CYP19A1: variants seen among roughly 807,000 people sequenced by gnomAD.
CYP19A1 encodes the protein cytochrome P450 family 19 subfamily A member 1, also known as aromatase.
In CYP19A1, 32 loss-of-function variants were observed where a neutral mutation model predicts 44.4. The observed-to-expected ratio is 0.72, with a 90% CI of 0.54 to 0.97. The LOEUF is 0.97. Ranked by LOEUF, CYP19A1 falls within the 50% of genes least tolerant of loss-of-function variation. The pLI is 0.00. For missense variants in CYP19A1, 598 were observed against 637.8 expected (o/e 0.94, Z 0.67); for synonymous variants, 212 against 215.6 (o/e 0.98, Z 0.14).
chr15:51,320,266 A>T (rs2036504309), intron 1 of CYP19A1: 1 of 152,346 alleles, frequency 6.6e-6, no homozygotes, highest in South Asian at 2.1e-4. Flanking sequence ...AGAGCCACAC[A>T]CTGGGAAGAG....
rs143562020 is a variant in CYP19A1 at position 51,218,563 on chromosome 15, A to T, written c.721T>A (p.Tyr241Asn). ...PDIFFKISWL[Y>N]KKYEKSVKDL... ...TACACAGACTTCTCATACTTTTTGT[A>T]TAGCCAAGAAATCTTAAAGAAGATG... The change falls in exon 6 of 10, where the codon TAC becomes AAC. Residue 241 changes from tyrosine (Y) to asparagine (N), a missense_variant. Physicochemically the swap from Tyr to Asn is moderately radical, Grantham distance 143 (BLOSUM62 -2). Coordinates refer to ENST00000396402, the MANE Select transcript of CYP19A1 (RefSeq NM_000103.4). 391 of 1,613,600 alleles carry T rather than the reference A, an allele frequency of 2.4e-4. 2 individuals carry two copies. In the Middle Eastern group the frequency reaches 5.9e-3, roughly 25 times the overall value.
intron 5 of CYP19A1, among the ~76,000 whole-genome samples, chr15:51,220,973 A>G (rs1280794037): frequency 7.2e-6 from 1 of 139,188 alleles, no homozygotes; most frequent in Non-Finnish European, 1.6e-5. Flanking sequence ...TTGCATGCAC[A>G]TGTTTTTTTT....
In CYP19A1 at chr15:51,210,506, G is replaced by A. The variant is rs2030828807; in HGVS notation, c.*302C>T. ...ACCAGACATACATTTTGTTAATGAA[G>A]GCCTATCCTTCTCAAAGCACATTTG... is the stretch of plus-strand genomic sequence containing the variant. On this transcript the variant is annotated 3_prime_UTR_variant, in exon 10 of 10. Coordinates refer to ENST00000396402, the MANE Select transcript of CYP19A1 (RefSeq NM_000103.4). 1.8e-6 allele frequency: 1 copy of A among 561,484 alleles called. No individual in the cohort carries two copies. The highest frequency in any genetic ancestry group is 1.8e-5 in the African/African-American group (1 of 54,664). The allele number at this position is 561,484 out of a possible 1,614,324, so 34.8% of individuals were successfully genotyped here.
chr15:51,254,820 T>A (rs1469724359), intron 1 of CYP19A1, among the ~76,000 whole-genome samples: 2 of 152,244 alleles, frequency 1.3e-5, no homozygotes, highest in Admixed American at 6.5e-5. Flanking sequence ...ATGTTTTGAA[T>A]GATCAGTAAG....
At chr15:51,298,076 A>T (rs570645221) in intron 1 of CYP19A1, among the ~76,000 whole-genome samples, 3 of 152,240 alleles carry the variant, frequency 2.0e-5, no homozygotes, top group East Asian at 3.9e-4. Context: ...CTGCCCCTGG[A>T]TATTGAATTA....
intron 1 of CYP19A1, among the ~76,000 whole-genome samples, chr15:51,332,428 T>C (rs2141031564): frequency 6.6e-6 from 1 of 152,338 alleles, no homozygotes; most frequent in East Asian, 1.9e-4. Context: ...TGTTCCAGGC[T>C]ATTGTTAACA....
intron 3 of CYP19A1, among the ~76,000 whole-genome samples, chr15:51,236,542 T>A (rs2033404118): frequency 1.3e-5 from 2 of 152,228 alleles, no homozygotes; most frequent in Admixed American, 1.3e-4. Context: ...GCAGAAAAGA[T>A]AACACCTCTC....
At chr15:51,222,286 C>T (rs2032158357) in intron 5 of CYP19A1, 63 bp downstream of exon 5, 3 of 1,612,736 alleles carry the variant, frequency 1.9e-6, no homozygotes, top group Non-Finnish European at 2.5e-6. Flanking sequence ...GTCTGTTATC[C>T]CTCCTAGCTC....
chr15:51,268,145 A>G (rs1240203675), intron 1 of CYP19A1, among the ~76,000 whole-genome samples: 2 of 152,182 alleles, frequency 1.3e-5, no homozygotes, highest in African/African-American at 2.4e-5. Context: ...ATAAACCTCA[A>G]ATATTTAAAG....
Position 51,212,408 on chromosome 15 carries a change from G to T in CYP19A1, c.1175C>A (p.Thr392Lys), listed in dbSNP as rs753836253. ...VIDGYPVKKG[T>K]NIILNIGRMH... ...CCTTCCAATATTCAGGATAATGTTT[G>T]TCCCCTTTTTCACTGGGTAGCCATC... The change falls in exon 9 of 10, where the codon ACA (threonine) becomes AAA (lysine). Residue 392 changes from threonine to lysine, a missense_variant. By Grantham distance (78) the Thr-to-Lys change is moderately conservative. Transcript: ENST00000396402. 1.9e-6 allele frequency: 3 copies of T among 1,598,388 alleles called. No individual in the cohort carries two copies. The South Asian group carries it at 3.3e-5, about 18-fold the overall frequency.
chr15:51,230,869 A>G lies in CYP19A1; in HGVS notation c.297-2936T>C, dbSNP rs575314833. 7.9e-5 allele frequency among the ~76,000 whole-genome samples: 12 copies of G among 152,058 alleles called. No homozygotes were observed. In the South Asian group the frequency reaches 1.7e-3, roughly 21 times the overall value. On this transcript the variant is annotated intron_variant, in intron 3 of 9. Transcript: ENST00000396402. The stretch of plus-strand genomic sequence containing the variant: ...ACTCTTGACTTCAAGTAATACACCC[A>G]CTTTCACCTCCCAAAGTGCTGGCAT...
At chr15:51,244,595 T>A (rs1300077700) in intron 1 of CYP19A1, among the ~76,000 whole-genome samples, 1 of 152,222 alleles carries the variant, frequency 6.6e-6, no homozygotes. Flanking sequence ...GAATTTGACA[T>A]CATTCTGAGT....
Position 51,218,751 on chromosome 15 carries a change from T to A in CYP19A1, c.629-96A>T. The stretch of plus-strand genomic sequence containing the variant: ...CTGAGCAGAAAACATTCCCTGCAGA[T>A]TCTCCTAACAGTCTGGGGGTTCTAA... On this transcript the variant is annotated intron_variant, in intron 5 of 9. Coordinates refer to ENST00000396402, the MANE Select transcript of CYP19A1 (RefSeq NM_000103.4). 7 of 1,531,186 alleles carry A rather than the reference T, an allele frequency of 4.6e-6. No homozygotes were observed. In the Middle Eastern group the frequency reaches 1.0e-3, roughly 220 times the overall value. 94.8% of individuals were successfully genotyped at this position (1,531,186 alleles called of 1,614,324 possible).
intron 1 of CYP19A1, among the ~76,000 whole-genome samples, chr15:51,314,822 C>G (rs2036391743): frequency 6.6e-6 from 1 of 152,164 alleles, no homozygotes; most frequent in South Asian, 2.1e-4. Flanking sequence ...GTTTGTCAGC[C>G]TCTGTCTTTG....
At chr15:51,251,464 T>C (rs959247382) in intron 1 of CYP19A1, among the ~76,000 whole-genome samples, 6 of 152,146 alleles carry the variant, frequency 3.9e-5, no homozygotes, top group African/African-American at 7.2e-5. Flanking sequence ...TGTCTGTCAA[T>C]ATTTCCACAA....
At chr15:51,307,857 C>G (rs1473588541) in intron 1 of CYP19A1, among the ~76,000 whole-genome samples, 2 of 152,140 alleles carry the variant, frequency 1.3e-5, no homozygotes, top group East Asian at 3.8e-4. Context: ...ATCAACTGTG[C>G]CTAGAGATCA....
chr15:51,293,053 G>A (rs898386266), intron 1 of CYP19A1, among the ~76,000 whole-genome samples: 2 of 151,998 alleles, frequency 1.3e-5, no homozygotes, highest in Admixed American at 1.3e-4. Context: ...CCGAGCTGTG[G>A]GAACAAGGAA....
At chr15:51,328,054 G>T (rs1022079989) in intron 1 of CYP19A1, among the ~76,000 whole-genome samples, 1 of 152,232 alleles carries the variant, frequency 6.6e-6, no homozygotes, top group East Asian at 1.9e-4. Context: ...GAATGCAATA[G>T]ATTTAAATGC....
chr15:51,321,285 C>T (rs916200286), intron 1 of CYP19A1, among the ~76,000 whole-genome samples: 1 of 152,136 alleles, frequency 6.6e-6, no homozygotes, highest in Non-Finnish European at 1.5e-5. Context: ...AGCACCCCTC[C>T]CCATCCACCC....
Sources: gnomAD v4.1 joint callset for allele counts (sites outside exome capture counted in the v4.1 genomes callset) on GRCh38, gnomAD v4.1.1 for gene constraint, MANE v1.5 for transcripts, NCBI Gene and HGNC (gene_info 2026-07-23, HGNC 2026-07-21) for gene names.